Variants in CSTPP1 observed in about 807,000 individuals in gnomAD.
The protein encoded by CSTPP1 is centriolar satellite-associated tubulin polyglutamylase complex regulator 1.
At chr11:47,020,006 C>T in the CSTPP1 span, among the ~76,000 whole-genome samples, 1 of 152,136 alleles carries the variant, frequency 6.6e-6, no homozygotes, top group Non-Finnish European at 1.5e-5. Context: ...AATAATATGA[C>T]ATTTAAACAT....
chr11:46,939,681 T>TA, the CSTPP1 span, among the ~76,000 whole-genome samples: 2 of 151,364 alleles, frequency 1.3e-5, no homozygotes, highest in African/African-American at 2.4e-5. Context: ...GATAGGTAGA[T>TA]GTTTTTAGTG....
the CSTPP1 span, among the ~76,000 whole-genome samples, chr11:47,059,118 C>T: frequency 2.6e-5 from 4 of 152,168 alleles, no homozygotes; most frequent in Non-Finnish European, 5.9e-5. Context: ...TGCATGTTCT[C>T]ACTCATAAGT....
chr11:47,122,091 A>AAAAATATATATATATAT, the CSTPP1 span, among the ~76,000 whole-genome samples: 2 of 31,840 alleles, frequency 6.3e-5, no homozygotes, highest in Non-Finnish European at 1.3e-4. Flanking sequence ...AAAAAAAAAA[A>AAAAATATATATATATAT]ATATATATAT....
chr11:47,131,245 CA>C, the CSTPP1 span, among the ~76,000 whole-genome samples: 1 of 152,132 alleles, frequency 6.6e-6, no homozygotes, highest in African/African-American at 2.4e-5. Flanking sequence ...GTGATCCTGG[CA>C]AAGGTACCAT....
At chr11:47,019,766 CA>C in the CSTPP1 span, among the ~76,000 whole-genome samples, 1 of 151,996 alleles carries the variant, frequency 6.6e-6, no homozygotes, top group African/African-American at 2.4e-5. Flanking sequence ...TGAGAATTAC[CA>C]AAATGTGAAG....
the CSTPP1 span, chr11:47,164,158 G>A: frequency 5.0e-6 from 8 of 1,614,020 alleles, no homozygotes; most frequent in Non-Finnish European, 6.8e-6. Context: ...GGGGCCTTTG[G>A]CTTTCAGAGA....
At chr11:46,972,266 G>A in the CSTPP1 span, among the ~76,000 whole-genome samples, 15 of 152,098 alleles carry the variant, frequency 9.9e-5, no homozygotes, top group African/African-American at 3.4e-4. Flanking sequence ...AAATTGTCCT[G>A]GAGAGTAGAA....
chr11:47,143,056 T>C, the CSTPP1 span, among the ~76,000 whole-genome samples: 12 of 152,302 alleles, frequency 7.9e-5, no homozygotes, highest in East Asian at 3.9e-4. Flanking sequence ...CAGTTAGAGA[T>C]GAATTCAGAA....
chr11:47,075,881 G>A, the CSTPP1 span, among the ~76,000 whole-genome samples: 1 of 136,288 alleles, frequency 7.3e-6, no homozygotes, highest in Non-Finnish European at 1.5e-5. Flanking sequence ...AGCTGATATT[G>A]CGCCACTGTA....
chr11:47,120,744 G>A, the CSTPP1 span, among the ~76,000 whole-genome samples: 1 of 152,150 alleles, frequency 6.6e-6, no homozygotes, highest in African/African-American at 2.4e-5. The surrounding 1 kb of genome is among the most constrained non-coding windows in gnomAD (Gnocchi z 4.2). Flanking sequence ...GTAAAATGAG[G>A]ACAGTACTTA....
chr11:47,088,273 A>G, the CSTPP1 span, among the ~76,000 whole-genome samples: 2 of 152,376 alleles, frequency 1.3e-5, no homozygotes, highest in East Asian at 3.9e-4. Context: ...TGCCTAGCAC[A>G]TAAGTGCTCC....
At chr11:47,018,429 G>A in the CSTPP1 span, among the ~76,000 whole-genome samples, 1 of 151,576 alleles carries the variant, frequency 6.6e-6, no homozygotes, top group African/African-American at 2.4e-5. Context: ...TGAGTACCTG[G>A]GATTACAGGC....
the CSTPP1 span, among the ~76,000 whole-genome samples, chr11:46,944,588 G>A: frequency 2.0e-5 from 3 of 152,088 alleles, no homozygotes; most frequent in South Asian, 6.2e-4. Context: ...CCTAGTCAAT[G>A]ACTGGGCAGG....
chr11:46,973,786 GTGTGTGTGTGTGTC>G, the CSTPP1 span, among the ~76,000 whole-genome samples: 6 of 151,608 alleles, frequency 4.0e-5, no homozygotes, highest in African/African-American at 1.5e-4. Flanking sequence ...GTGTATGTGT[GTGTGTGTGTGTGTC>G]TGTGTGTGTC....
chr11:47,111,800 G>A, the CSTPP1 span, among the ~76,000 whole-genome samples: 1 of 152,152 alleles, frequency 6.6e-6, no homozygotes, highest in African/African-American at 2.4e-5. Context: ...GACTAGCTCT[G>A]CTTAGGGAAC....
At chr11:46,964,287 CTCTT>C in the CSTPP1 span, among the ~76,000 whole-genome samples, 1,610 of 142,686 alleles carry the variant, frequency 0.011, 22 homozygotes, top group African/African-American at 0.046. Flanking sequence ...CTCTCTCTCT[CTCTT>C]TTTTTTTTTT....
chr11:47,011,351 G>A, the CSTPP1 span, among the ~76,000 whole-genome samples: 2 of 152,208 alleles, frequency 1.3e-5, no homozygotes, highest in Non-Finnish European at 2.9e-5. Context: ...TGGGTATCCA[G>A]ATTAATAGAT....
the CSTPP1 span, among the ~76,000 whole-genome samples, chr11:47,049,891 A>C: frequency 5.3e-5 from 8 of 152,066 alleles, no homozygotes; most frequent in Admixed American, 3.3e-4. Context: ...TTACTAACAC[A>C]ATAGAAGGTG....
At chr11:47,138,010 C>A in the CSTPP1 span, 1 of 516,204 alleles carries the variant, frequency 1.9e-6, no homozygotes, top group Admixed American at 3.4e-5. Context: ...CCCTCCAATA[C>A]CCCCACACAC....
Sources: allele counts gnomAD v4.1 joint callset (sites outside exome capture counted in the v4.1 genomes callset), GRCh38; gene constraint gnomAD v4.1.1; non-coding constraint Gnocchi (gnomAD v3.1); transcripts MANE v1.5; gene names NCBI Gene and HGNC (gene_info 2026-07-23, HGNC 2026-07-21).